The following SLC39A11 variants were observed in gnomAD, a reference collection of about 807,000 sequenced individuals.
The protein encoded by SLC39A11 is zinc transporter ZIP11.
SLC39A11 carries 33 observed loss-of-function variants against 36.1 expected under a neutral mutation model. The ratio of observed to expected loss-of-function variants is 0.91; its 90% CI spans 0.69 to 1.22. The LOEUF is 1.22. Ranked by LOEUF, SLC39A11 falls within the 50% of genes most tolerant of loss-of-function variation. The probability of loss-of-function intolerance (pLI) is 0.00; values close to 1 mark genes in which losing one functional copy is unlikely to be tolerated. For missense variants in SLC39A11, 432 were observed against 430.3 expected (o/e 1.00, Z -0.03); for synonymous variants, 166 against 170.3 (o/e 0.97, Z 0.20).
chr17:72,816,964 A>G (rs1029662684), intron 6 of SLC39A11, among the ~76,000 whole-genome samples: 24 of 152,206 alleles, frequency 1.6e-4, no homozygotes, highest in African/African-American at 5.8e-4. Flanking sequence ...CAGCTTGATC[A>G]TAATTATTTT....
intron 5 of SLC39A11, among the ~76,000 whole-genome samples, chr17:72,946,063 G>C (rs916480706): frequency 2.6e-5 from 4 of 152,212 alleles, no homozygotes. Flanking sequence ...AGTGAAAATA[G>C]ACAGAAAAGG....
At chr17:72,922,832 G>A (rs1329054384) in intron 5 of SLC39A11, among the ~76,000 whole-genome samples, 1 of 151,698 alleles carries the variant, frequency 6.6e-6, no homozygotes, top group African/African-American at 2.4e-5. Context: ...TCCAGGTGTG[G>A]TGGTGCACAC....
At chr17:72,658,544 C>A (rs943098899) in intron 7 of SLC39A11, among the ~76,000 whole-genome samples, 8 of 152,192 alleles carry the variant, frequency 5.3e-5, no homozygotes, top group African/African-American at 1.9e-4. Flanking sequence ...CCTACTACCC[C>A]CCACCCATCA....
chr17:72,815,893 C>G (rs1394214624), intron 6 of SLC39A11, among the ~76,000 whole-genome samples: 1 of 152,218 alleles, frequency 6.6e-6, no homozygotes, highest in African/African-American at 2.4e-5. Context: ...TGCACTCCAG[C>G]CTGAGCAACA....
In SLC39A11 at chr17:72,868,618, CAAAAAAAAAAAAAAA is replaced by C. The variant is rs71354894; in HGVS notation, c.431-18829_431-18815del. Reference sequence around the variant, plus strand: ...GCAATATAGTGAGCCCCTGTCTCTACAAAAAAAAAAAAAAAAAAAAAAAAAAAAAAAGAAAGAAAA... The same window carrying C: ...GCAATATAGTGAGCCCCTGTCTCTACAAAAAAAAAAAAAAAAGAAAGAAAA... On this transcript the variant is annotated intron_variant, in intron 5 of 9. Coordinates refer to ENST00000255559, the MANE Select transcript of SLC39A11 (RefSeq NM_139177.4). Among the ~76,000 whole-genome samples, 556 of 56,556 alleles carry C rather than the reference CAAAAAAAAAAAAAAA, an allele frequency of 9.8e-3. 7 individuals carry two copies. Among genetic ancestry groups the C allele is most frequent in the African/African-American group, 0.034 (500 of 14,896 alleles). 37.1% of individuals were successfully genotyped at this position (56,556 alleles called of 152,430 possible).
At chr17:72,812,386 G>C (rs2077460257) in intron 6 of SLC39A11, among the ~76,000 whole-genome samples, 2 of 152,196 alleles carry the variant, frequency 1.3e-5, no homozygotes, top group South Asian at 4.1e-4. Context: ...AGGTACATTT[G>C]AATGATTTAG....
chr17:72,739,436 G>C (rs972512554), intron 6 of SLC39A11, among the ~76,000 whole-genome samples: 10 of 152,122 alleles, frequency 6.6e-5, no homozygotes, highest in African/African-American at 2.2e-4. Context: ...GAGAATTTGG[G>C]ATTCTGATTC....
chr17:72,998,230 T>A (rs1166265652), intron 4 of SLC39A11, among the ~76,000 whole-genome samples: 3 of 152,166 alleles, frequency 2.0e-5, no homozygotes, highest in Non-Finnish European at 4.4e-5. Context: ...AGGACCACCA[T>A]CCTCCTTTTA....
At chr17:72,658,333 GAGGCTGAGGGCC>G (rs1349737381) in intron 7 of SLC39A11, among the ~76,000 whole-genome samples, 6 of 152,208 alleles carry the variant, frequency 3.9e-5, no homozygotes, top group African/African-American at 1.2e-4. Context: ...CAACCTGGTA[GAGGCTGAGGGCC>G]AATGGCCAGG....
chr17:73,047,963 T>C (rs111313549), intron 3 of SLC39A11, among the ~76,000 whole-genome samples: 1 of 40,086 alleles, frequency 2.5e-5, no homozygotes, highest in Non-Finnish European at 4.0e-5. Flanking sequence ...CAAGACTCCA[T>C]CTCAAAAAAA....
At chr17:72,989,220 A>G (rs1379069349) in intron 4 of SLC39A11, among the ~76,000 whole-genome samples, 5 of 152,206 alleles carry the variant, frequency 3.3e-5, no homozygotes, top group Admixed American at 6.5e-5. Flanking sequence ...AACAAAGAAA[A>G]CAATTGTCCA....
chr17:72,665,389 G>GTTTTTTTTTTTTTTTT (rs780329919), intron 7 of SLC39A11, among the ~76,000 whole-genome samples: 1,782 of 76,482 alleles, frequency 0.023, 284 homozygotes, highest in South Asian at 0.038. Flanking sequence ...GTTTTGAGGT[G>GTTTTTTTTTTTTTTTT]TTTTTTTTTT....
intron 5 of SLC39A11, among the ~76,000 whole-genome samples, chr17:72,908,825 G>A (rs538616873): frequency 1.8e-4 from 27 of 152,296 alleles, no homozygotes; most frequent in Middle Eastern, 6.8e-3. Context: ...CCACGCTGAC[G>A]CATGACTGTA....
At chr17:72,778,765 G>A (rs1224268153) in intron 6 of SLC39A11, among the ~76,000 whole-genome samples, 8 of 152,184 alleles carry the variant, frequency 5.3e-5, no homozygotes, top group Non-Finnish European at 1.0e-4. Context: ...TTGTCCCTAC[G>A]CTGAGCAAGA....
rs117392969 is a variant in SLC39A11 at position 72,936,824 on chromosome 17, G to A, written c.430+10928C>T. Among the ~76,000 whole-genome samples, 778 of 152,272 alleles carry A rather than the reference G, an allele frequency of 5.1e-3. 5 individuals carry two copies. Among genetic ancestry groups the A allele is most frequent in the South Asian group, 0.013 (64 of 4,826 alleles). On this transcript the variant is annotated intron_variant, in intron 5 of 9. Coordinates refer to ENST00000255559, the MANE Select transcript of SLC39A11 (RefSeq NM_139177.4). ...GACATTAGATTCTCATAAGGAAGGC[G>A]CGACCTAGATCCCTCACGTGTGCCG...
At chr17:72,756,230 T>G (rs1470438729) in intron 6 of SLC39A11, among the ~76,000 whole-genome samples, 1 of 152,216 alleles carries the variant, frequency 6.6e-6, no homozygotes, top group Non-Finnish European at 1.5e-5. Context: ...TGCCAAATAT[T>G]TCTGTTATGG....
intron 7 of SLC39A11, among the ~76,000 whole-genome samples, chr17:72,713,761 T>C (rs931645962): frequency 5.3e-5 from 8 of 152,200 alleles, no homozygotes; most frequent in African/African-American, 1.9e-4. Context: ...ATCACCTCCC[T>C]GCCATCCCTC....
intron 4 of SLC39A11, among the ~76,000 whole-genome samples, chr17:72,962,425 A>G (rs2086673182): frequency 6.6e-6 from 1 of 152,172 alleles, no homozygotes; most frequent in Admixed American, 6.5e-5. Context: ...GGCTGTTGTA[A>G]GAATTACGTT....
intron 6 of SLC39A11, chr17:72,817,832 T>G (rs555033315): frequency 2.0e-5 from 3 of 152,258 alleles, no homozygotes; most frequent in African/African-American, 7.2e-5. Flanking sequence ...TATCCAAGAC[T>G]GGCTAATTTA....
Sources: gnomAD v4.1 joint callset for allele counts (sites outside exome capture counted in the v4.1 genomes callset) on GRCh38, gnomAD v4.1.1 for gene constraint, MANE v1.5 for transcripts, NCBI Gene and HGNC (gene_info 2026-07-23, HGNC 2026-07-21) for gene names.